AGPAT4: variants seen among roughly 807,000 people sequenced by gnomAD.
AGPAT4 encodes the protein 1-acyl-sn-glycerol-3-phosphate acyltransferase delta.
In AGPAT4, 15 loss-of-function variants were observed where a neutral mutation model predicts 48.0. That is an observed-to-expected ratio of 0.31 (90% CI 0.21 to 0.48). The LOEUF (loss-of-function observed/expected upper bound fraction) is 0.48, where lower values mean the gene tolerates loss of function less well. AGPAT4 is among the 20% of genes least tolerant of loss of function. The pLI, the probability that AGPAT4 is intolerant of heterozygous loss-of-function variation, is 0.99. For missense variants in AGPAT4, 314 were observed against 482.5 expected (o/e 0.65, Z 3.27); for synonymous variants, 178 against 198.7 (o/e 0.90, Z 0.88).
At chr6:161,181,134 A>T (rs974881615) in intron 2 of AGPAT4, among the ~76,000 whole-genome samples, 1 of 152,132 alleles carries the variant, frequency 6.6e-6, no homozygotes, top group African/African-American at 2.4e-5. Context: ...GAATAAACAG[A>T]AAGGTGCCTC....
rs1783464665 is a variant in AGPAT4 at position 161,272,729 on chromosome 6, C to T, written c.-90+1209G>A. ...AAACACACACACACACACACACACA[C>T]ACAAACACACACATTCTCCCTTCTC... On this transcript the variant is annotated intron_variant, in intron 1 of 8. Transcript: ENST00000320285. The surrounding 1 kb of genome is among the most constrained non-coding windows in gnomAD (Gnocchi z 4.2). 1.3e-5 allele frequency among the ~76,000 whole-genome samples: 2 copies of T among 151,930 alleles called. No homozygotes were observed. The highest frequency in any genetic ancestry group is 2.1e-4 in the South Asian group (1 of 4,810).
chr6:161,181,301 C>T (rs1272038386), intron 2 of AGPAT4, among the ~76,000 whole-genome samples: 4 of 152,116 alleles, frequency 2.6e-5, no homozygotes, highest in Non-Finnish European at 5.9e-5. Context: ...CTGCTCCCAT[C>T]GCCTGCAGGT....
rs56741331 is a variant in AGPAT4 at position 161,196,816 on chromosome 6, C to CAAAA, written c.179-30403_179-30400dup. ...AGAGAAAGACTCTATCTCCCCCCGC[C>CAAAA]AAAAAAAAAAAAAAAATGCCAAGGA... is the stretch of plus-strand genomic sequence containing the variant. On this transcript the variant is annotated intron_variant, in intron 2 of 8. Transcript: ENST00000320285. The surrounding 1 kb of genome is among the most constrained non-coding windows in gnomAD (Gnocchi z 4.3). 2.9e-5 allele frequency among the ~76,000 whole-genome samples: 3 copies of CAAAA among 105,162 alleles called. No individual in the cohort carries two copies. The highest frequency in any genetic ancestry group is 6.8e-5 in the African/African-American group (2 of 29,222). The allele number at this position is 105,162 out of a possible 152,430, so 69.0% of individuals were successfully genotyped here. A position where few individuals can be genotyped will look rare whatever the true frequency, so the allele number is the denominator to read the frequency against.
rs911222505 is a variant in AGPAT4 at position 161,161,782 on chromosome 6, A to G, written c.348+4466T>C. On this transcript the variant is annotated intron_variant, in intron 3 of 8. Transcript: ENST00000320285. The surrounding 1 kb of genome is among the most constrained non-coding windows in gnomAD (Gnocchi z 4.6). ...ACCACACACAATCAACACTCACTGGACACGTATTTTGAAGGTATATCAATT... is the reference window on the plus strand; with the variant it reads ...ACCACACACAATCAACACTCACTGGGCACGTATTTTGAAGGTATATCAATT... The G allele has an allele frequency of 3.3e-6, 1 of 303,322 alleles. No individual in the cohort carries two copies. Among genetic ancestry groups the G allele is most frequent in the Non-Finnish European group, 6.6e-6 (1 of 152,426 alleles). 18.8% of individuals were successfully genotyped at this position (303,322 alleles called of 1,614,324 possible). A position where few individuals can be genotyped will look rare whatever the true frequency, so the allele number is the denominator to read the frequency against.
Position 161,243,258 on chromosome 6 carries a change from G to A in AGPAT4, c.-89-10956C>T, listed in dbSNP as rs1386079223. On this transcript the variant is annotated intron_variant, in intron 1 of 8. Transcript: ENST00000320285. The surrounding 1 kb of genome is among the most constrained non-coding windows in gnomAD (Gnocchi z 4.8). Reference sequence around the variant, plus strand: ...AGTGAAGGGGCAGCTCTCCCCTTGGGGTTACCAAAGTAGGGAAATGGCCCA... The same window carrying A: ...AGTGAAGGGGCAGCTCTCCCCTTGGAGTTACCAAAGTAGGGAAATGGCCCA... Among the ~76,000 whole-genome samples the A allele has an allele frequency of 6.6e-6, 1 of 152,098 alleles. No individual in the cohort carries two copies. Among genetic ancestry groups the A allele is most frequent in the Non-Finnish European group, 1.5e-5 (1 of 68,008 alleles).
intron 2 of AGPAT4, among the ~76,000 whole-genome samples, chr6:161,185,972 G>A (rs865958534): frequency 3.3e-5 from 5 of 152,142 alleles, no homozygotes; most frequent in African/African-American, 4.8e-5. Flanking sequence ...TAAAGTTCCC[G>A]AAGAGTAAAA....
rs73782825 is a variant in AGPAT4 at position 161,245,114 on chromosome 6, G to A, written c.-89-12812C>T. Among the ~76,000 whole-genome samples the A allele has an allele frequency of 5.0e-3, 755 of 152,348 alleles. 6 individuals are homozygous for A. Among genetic ancestry groups the A allele is most frequent in the African/African-American group, 0.016 (684 of 41,582 alleles). ...CAGGGTAGAAACCTCCTTGGGAATC[G>A]AGAAATTGCGACTCTATTCATGGTG... On this transcript the variant is annotated intron_variant, in intron 1 of 8. Coordinates refer to ENST00000320285, the MANE Select transcript of AGPAT4 (RefSeq NM_020133.3). This position sits in a 1 kb window ranked among gnomAD's most constrained non-coding sequence, Gnocchi z 5.2.
rs1781826297 is a variant in AGPAT4 at position 161,221,202 on chromosome 6, G to T, written c.178+10834C>A. 6.6e-6 allele frequency among the ~76,000 whole-genome samples: 1 copy of T among 152,158 alleles called. No individual in the cohort carries two copies. Among genetic ancestry groups the T allele is most frequent in the South Asian group, 2.1e-4 (1 of 4,830 alleles). On this transcript the variant is annotated intron_variant, in intron 2 of 8. Coordinates refer to ENST00000320285, the MANE Select transcript of AGPAT4 (RefSeq NM_020133.3). This position sits in a 1 kb window ranked among gnomAD's most constrained non-coding sequence, Gnocchi z 4.5. ...GTCAGCAGAAAATCCACCCCTCGGG[G>T]CTGGGTTTCCAGCATGGCAACCACT...
intron 2 of AGPAT4, among the ~76,000 whole-genome samples, chr6:161,194,978 GCCTTCCTGCA>G (rs1477154225): frequency 6.6e-6 from 1 of 152,076 alleles, no homozygotes; most frequent in Non-Finnish European, 1.5e-5. Context: ...ATAAATTCCT[GCCTTCCTGCA>G]CCTTACTTGC....
chr6:161,202,592 A>G lies in AGPAT4; in HGVS notation c.178+29444T>C, dbSNP rs1781265299. Among the ~76,000 whole-genome samples the G allele has an allele frequency of 6.6e-6, 1 of 152,182 alleles. No homozygotes were observed. Among genetic ancestry groups the G allele is most frequent in the Admixed American group, 6.5e-5 (1 of 15,278 alleles). On this transcript the variant is annotated intron_variant, in intron 2 of 8. Transcript: ENST00000320285. The surrounding 1 kb of genome is among the most constrained non-coding windows in gnomAD (Gnocchi z 5.4). Reference sequence around the variant, plus strand: ...GACATATTTAAAAATTACCATCTATAACAGACTGTATTTTCCAAAGATGGC... The same window carrying G: ...GACATATTTAAAAATTACCATCTATGACAGACTGTATTTTCCAAAGATGGC...
At position 161,229,123 on chromosome 6, in the gene AGPAT4, C is replaced by T. The variant is rs1166579452; in HGVS notation, c.178+2913G>A. 6.6e-6 allele frequency among the ~76,000 whole-genome samples: 1 copy of T among 152,094 alleles called. No homozygotes were observed. The highest frequency in any genetic ancestry group is 6.5e-5 in the Admixed American group (1 of 15,268). ...ACTGCTTTGAACTTACTTGGTAACA[C>T]ACCAAGCTCTTAACAAATATTTAAT... On this transcript the variant is annotated intron_variant, in intron 2 of 8. Transcript: ENST00000320285. This position sits in a 1 kb window ranked among gnomAD's most constrained non-coding sequence, Gnocchi z 6.0.
chr6:161,241,932 C>T (rs191591545), intron 1 of AGPAT4, among the ~76,000 whole-genome samples: 234 of 152,260 alleles, frequency 1.5e-3, no homozygotes, highest in African/African-American at 5.4e-3. Context: ...GGGGCTTCAC[C>T]ATGTTGGCCA....
In AGPAT4 at chr6:161,161,689, T is replaced by C; in HGVS notation, c.348+4559A>G. 1 of 348,832 alleles carries C rather than the reference T, an allele frequency of 2.9e-6. No individual in the cohort carries two copies. Among genetic ancestry groups the C allele is most frequent in the Non-Finnish European group, 5.7e-6 (1 of 175,346 alleles). The allele number at this position is 348,832 out of a possible 1,614,324, so 21.6% of individuals were successfully genotyped here. On this transcript the variant is annotated intron_variant, in intron 3 of 8. Transcript: ENST00000320285. The surrounding 1 kb of genome is among the most constrained non-coding windows in gnomAD (Gnocchi z 4.6). ...CCAAAGAGCCCTTGACAAGTGCATGTGTATGAAGAAGCTGGGGTAAAGGCG... is the reference window on the plus strand; with the variant it reads ...CCAAAGAGCCCTTGACAAGTGCATGCGTATGAAGAAGCTGGGGTAAAGGCG...
In AGPAT4 at chr6:161,261,917, G is replaced by A. The variant is rs1241080383; in HGVS notation, c.-90+12021C>T. ...CCTGGGCCAGAGACCCAGTTTGCCT[G>A]TATGAGCTGTGCAGCCCTGGGAAGA... On this transcript the variant is annotated intron_variant, in intron 1 of 8. Transcript: ENST00000320285. The surrounding 1 kb of genome is among the most constrained non-coding windows in gnomAD (Gnocchi z 5.3). Among the ~76,000 whole-genome samples, 3 of 152,200 alleles carry A rather than the reference G, an allele frequency of 2.0e-5. No individual in the cohort carries two copies. The highest frequency in any genetic ancestry group is 4.4e-5 in the Non-Finnish European group (3 of 68,038).
At chr6:161,265,117 C>A (rs1192620086) in intron 1 of AGPAT4, among the ~76,000 whole-genome samples, 1 of 151,808 alleles carries the variant, frequency 6.6e-6, no homozygotes, top group Admixed American at 6.6e-5. Context: ...GGATTAGTAC[C>A]CACTGCTGGA....
rs1779451874 is a variant in AGPAT4, at chr6:161,147,032, A to G, written c.768-433T>C. Among the ~76,000 whole-genome samples the G allele has an allele frequency of 6.6e-6, 1 of 152,176 alleles. No homozygotes were observed. The highest frequency in any genetic ancestry group is 6.5e-5 in the Admixed American group (1 of 15,290). ...GTAATTTCTTCTTAGCCAAGTAACCAACTTACTGGTAATGGCAGATTATCT... is the reference window on the plus strand; with the variant it reads ...GTAATTTCTTCTTAGCCAAGTAACCGACTTACTGGTAATGGCAGATTATCT... On this transcript the variant is annotated intron_variant, in intron 6 of 8. Transcript: ENST00000320285. This position sits in a 1 kb window ranked among gnomAD's most constrained non-coding sequence, Gnocchi z 4.8.
At position 161,220,806 on chromosome 6, in the gene AGPAT4, C is replaced by T. The variant is rs928397804; in HGVS notation, c.178+11230G>A. 6.6e-6 allele frequency among the ~76,000 whole-genome samples: 1 copy of T among 152,048 alleles called. No individual in the cohort carries two copies. The highest frequency in any genetic ancestry group is 2.4e-5 in the African/African-American group (1 of 41,384). On this transcript the variant is annotated intron_variant, in intron 2 of 8. Coordinates refer to ENST00000320285, the MANE Select transcript of AGPAT4 (RefSeq NM_020133.3). This position sits in a 1 kb window ranked among gnomAD's most constrained non-coding sequence, Gnocchi z 6.0. Reference sequence around the variant, plus strand: ...TTTTATTTTATTTTTATTTTTGAGACAGAGTCTCACTCTGTCACCCAGGCT... The same window carrying T: ...TTTTATTTTATTTTTATTTTTGAGATAGAGTCTCACTCTGTCACCCAGGCT...
Position 161,154,179 on chromosome 6 carries a change from C to T in AGPAT4, c.480G>A (p.Gln160=), listed in dbSNP as rs754047232. The change falls in exon 4 of 9, where the codon CAG becomes CAA. Residue 160 remains glutamine (Q), a synonymous_variant. Coordinates refer to ENST00000320285, the MANE Select transcript of AGPAT4 (RefSeq NM_020133.3). This position sits in a 1 kb window ranked among gnomAD's most constrained non-coding sequence, Gnocchi z 7.8. ...ACTTCTCGGGGTAGTCCCGGAGGTG[C>T]TGCAAACTGGTGGCAACCGTCTTGC... ...QDRKTVATSL[Q]HLRDYPEKYF... 5.0e-6 allele frequency: 8 copies of T among 1,614,186 alleles called. No homozygotes were observed. The highest frequency in any genetic ancestry group is 6.8e-6 in the Non-Finnish European group (8 of 1,180,038).
intron 2 of AGPAT4, among the ~76,000 whole-genome samples, chr6:161,207,341 C>T (rs949807497): frequency 6.6e-6 from 1 of 152,202 alleles, no homozygotes; most frequent in African/African-American, 2.4e-5. Flanking sequence ...AACACAAAGA[C>T]AGGATCCGTG....
Sources: gnomAD v4.1 joint callset for allele counts (sites outside exome capture counted in the v4.1 genomes callset) on GRCh38, gnomAD v4.1.1 for gene constraint, Gnocchi (gnomAD v3.1) non-coding constraint, MANE v1.5 for transcripts, NCBI Gene and HGNC (gene_info 2026-07-23, HGNC 2026-07-21) for gene names.